Variants in TUBGCP5 observed in about 807,000 individuals in gnomAD.
The protein encoded by TUBGCP5 is tubulin gamma complex component 5.
Under a neutral mutation model 134.7 loss-of-function variants are expected in TUBGCP5, and 98 were observed. The ratio of observed to expected loss-of-function variants is 0.73; its 90% CI spans 0.62 to 0.86. The LOEUF (loss-of-function observed/expected upper bound fraction) is 0.86, where lower values mean the gene tolerates loss of function less well. TUBGCP5 is among the 40% of genes least tolerant of loss of function. The pLI is 0.00. For missense variants in TUBGCP5, 1,150 were observed against 1,244.8 expected (o/e 0.92, Z 1.15); for synonymous variants, 456 against 431.4 (o/e 1.06, Z -0.71).
Position 23,032,747 on chromosome 15 carries a change from T to A in TUBGCP5, c.387A>T (p.Thr129=), listed in dbSNP as rs756332404. The A allele has an allele frequency of 1.3e-6, 2 of 1,585,012 alleles. No homozygotes were observed. The highest frequency in any genetic ancestry group is 4.6e-5 in the East Asian group (2 of 43,340). ...DSPSNSSYVE[T]PRNKEVEKKD... ...ACATACCCACTTCTTTATTTCTTGG[T>A]GTCTCCACATAACTGCTGTTTGAAG... Residue 129 remains threonine, a synonymous_variant, in exon 4 of 23, where the codon ACA becomes ACT. Transcript: ENST00000615383.
At chr15:23,027,541 C>T (rs904534352) in intron 6 of TUBGCP5, among the ~76,000 whole-genome samples, 18 of 151,846 alleles carry the variant, frequency 1.2e-4, no homozygotes, top group Non-Finnish European at 1.9e-4. Context: ...CACTTGAATC[C>T]AGGAGTTCAA....
intron 20 of TUBGCP5, 44 bp downstream of exon 20, chr15:23,004,058 A>G: frequency 6.4e-7 from 1 of 1,559,156 alleles, no homozygotes; most frequent in South Asian, 1.2e-5. Flanking sequence ...AGACAGCGCC[A>G]CTCGCCCAGC....
intron 14 of TUBGCP5, among the ~76,000 whole-genome samples, chr15:23,010,731 C>T (rs1448111793): frequency 6.6e-6 from 1 of 152,074 alleles, no homozygotes; most frequent in East Asian, 1.9e-4. Context: ...GTAATCCCAG[C>T]ACTTTGGGAG....
chr15:23,019,163 G>A, intron 12 of TUBGCP5, 56 bp downstream of exon 12: 1 of 1,246,120 alleles, frequency 8.0e-7, no homozygotes, highest in Non-Finnish European at 1.2e-6. Flanking sequence ...TGATTTTCAT[G>A]GGGAGGAAAC....
intron 1 of TUBGCP5, 61 bp downstream of exon 1, chr15:23,039,337 G>C (rs2066786122): frequency 1.5e-6 from 2 of 1,298,528 alleles, no homozygotes. Flanking sequence ...CGGGCTGTGC[G>C]GGACCCACGC....
chr15:23,032,659 T>C, intron 4 of TUBGCP5, 69 bp downstream of exon 4: 2 of 1,065,550 alleles, frequency 1.9e-6, no homozygotes, highest in Admixed American at 2.7e-5. Context: ...TAAAACTCAG[T>C]GTTTAGCAAC....
chr15:22,999,920 A>G, intron 22 of TUBGCP5, 54 bp from the exon 23 acceptor site: 1 of 1,592,314 alleles, frequency 6.3e-7, no homozygotes. Context: ...GTTGAAAAAA[A>G]ATTTTTTTTG....
At chr15:22,985,018 A>G (rs2063638973) in intron 23 of TUBGCP5, among the ~76,000 whole-genome samples, 1 of 152,188 alleles carries the variant, frequency 6.6e-6, no homozygotes, top group South Asian at 2.1e-4. Context: ...AAGAACCCAA[A>G]CAACAATAAA....
downstream of TUBGCP5, among the ~76,000 whole-genome samples, chr15:22,997,655 C>T (rs752243851): frequency 3.6e-4 from 54 of 151,614 alleles, no homozygotes; most frequent in Admixed American, 5.9e-4. Flanking sequence ...CTCGCTCTGT[C>T]GCCCAGGCTG....
At chr15:23,024,701 C>G (rs1361464502) in intron 9 of TUBGCP5, 36 bp downstream of exon 9, 1 of 1,117,800 alleles carries the variant, frequency 8.9e-7, no homozygotes, top group Non-Finnish European at 1.3e-6. Context: ...TACATAAATC[C>G]TATTTCTTAA....
intron 23 of TUBGCP5, among the ~76,000 whole-genome samples, chr15:22,988,653 G>T (rs538034102): frequency 6.6e-5 from 10 of 150,574 alleles, no homozygotes; most frequent in South Asian, 2.1e-4. Flanking sequence ...GGAGAATGGC[G>T]TGAACCTAGG....
chr15:23,003,275 T>G, intron 20 of TUBGCP5, 122 bp from the exon 21 acceptor site: 1 of 865,658 alleles, frequency 1.2e-6, no homozygotes, highest in Non-Finnish European at 1.8e-6. Context: ...GCCTTCTGTG[T>G]ATATGGAAGG....
At chr15:23,021,401 C>T (rs1395364066) in intron 11 of TUBGCP5, among the ~76,000 whole-genome samples, 2 of 152,176 alleles carry the variant, frequency 1.3e-5, no homozygotes, top group African/African-American at 4.8e-5. Flanking sequence ...AGGCAAGTCT[C>T]AAACTCCTGG....
intron 4 of TUBGCP5, 57 bp from the exon 5 acceptor site, chr15:23,032,086 C>A (rs2066344167): frequency 3.8e-6 from 5 of 1,326,056 alleles, no homozygotes; most frequent in East Asian, 2.4e-5. Context: ...TGAAAAAAAA[C>A]CTCAAAACTA....
intron 23 of TUBGCP5, among the ~76,000 whole-genome samples, chr15:22,993,409 T>C (rs2063918732): frequency 6.6e-6 from 1 of 151,656 alleles, no homozygotes; most frequent in African/African-American, 2.4e-5. Flanking sequence ...GAAACTCTTT[T>C]TTATTTTGAG....
intron 16 of TUBGCP5, among the ~76,000 whole-genome samples, chr15:23,008,292 G>A (rs951289919): frequency 2.0e-5 from 3 of 151,832 alleles, no homozygotes; most frequent in African/African-American, 7.3e-5. Flanking sequence ...TTTAAATGGA[G>A]TCTCGTTCTT....
Position 23,002,971 on chromosome 15 carries a change from C to T in TUBGCP5, c.2927+94G>A, listed in dbSNP as rs1365876410. 8.7e-6 allele frequency: 11 copies of T among 1,264,634 alleles called. No homozygotes were observed. In the East Asian group the frequency reaches 2.1e-4, roughly 25 times the overall value. The allele number at this position is 1,264,634 out of a possible 1,614,324, so 78.3% of individuals were successfully genotyped here. A position where few individuals can be genotyped will look rare whatever the true frequency, so the allele number is the denominator to read the frequency against. Reference sequence around the variant, plus strand: ...GGTCAAGCAATCCTCTCCTCTCAGCCTCCTGAATGGCTGGGAAGACCCTGT... The same window carrying T: ...GGTCAAGCAATCCTCTCCTCTCAGCTTCCTGAATGGCTGGGAAGACCCTGT... On this transcript the variant is annotated intron_variant, in intron 21 of 22. Transcript: ENST00000615383.
At chr15:22,984,204 A>G (rs1268568414) in intron 23 of TUBGCP5, among the ~76,000 whole-genome samples, 7 of 152,266 alleles carry the variant, frequency 4.6e-5, no homozygotes, top group African/African-American at 1.4e-4. Context: ...ACAGCCAATG[A>G]AGAATTATCT....
intron 14 of TUBGCP5, 142 bp from the exon 15 acceptor site, chr15:23,010,275 A>G: frequency 1.0e-6 from 1 of 980,622 alleles, no homozygotes; most frequent in Non-Finnish European, 1.5e-6. Flanking sequence ...TCTCCCAAAA[A>G]TATCCTTTGA....
Sources: gnomAD v4.1 joint callset for allele counts (sites outside exome capture counted in the v4.1 genomes callset) on GRCh38, gnomAD v4.1.1 for gene constraint, MANE v1.5 for transcripts, NCBI Gene and HGNC (gene_info 2026-07-23, HGNC 2026-07-21) for gene names.